The following PRRG4 variants were observed in gnomAD, a reference collection of about 807,000 sequenced individuals.
The protein encoded by PRRG4 is proline rich and Gla domain 4, also known as transmembrane gamma-carboxyglutamic acid protein 4.
Under a neutral mutation model 20.0 loss-of-function variants are expected in PRRG4, and 12 were observed. The observed-to-expected ratio is 0.60, with a 90% CI of 0.38 to 0.97. PRRG4 has a LOEUF of 0.97. PRRG4 is among the 50% of genes least tolerant of loss of function. PRRG4 has a pLI of 0.00. For synonymous variants in PRRG4, 94 were observed against 96.4 expected (o/e 0.98, Z 0.15); for missense variants, 199 against 265.1 (o/e 0.75, Z 1.73).
chr11:32,836,864 G>A (rs771644392), intron 3 of PRRG4, 43 bp downstream of exon 3: 1 of 1,539,732 alleles, frequency 6.5e-7, no homozygotes, highest in South Asian at 1.2e-5. Context: ...ATGTTAAATT[G>A]TACTTAAGAA....
chr11:32,836,758 G>C lies in PRRG4; in HGVS notation c.204G>C (p.Glu68Asp). 6.2e-7 allele frequency: 1 copy of C among 1,613,096 alleles called. No homozygotes were observed. The highest frequency in any genetic ancestry group is 8.5e-7 in the Non-Finnish European group (1 of 1,179,168). ...TCACTCCCGGCAACCTAGAAAGAGA[G>C]TGCAATGAAGAACTTTGCAATTATG... is the stretch of plus-strand genomic sequence containing the variant. ...ELFTPGNLERECNEELCNYEE... is the reference protein window; with the variant it reads ...ELFTPGNLERDCNEELCNYEE... The change falls in exon 3 of 6, where the codon GAG (glutamate) becomes GAC (aspartate). Residue 68 changes from glutamate to aspartate, a missense_variant. Glu to Asp is a conservative substitution (Grantham distance 45, BLOSUM62 2). Transcript: ENST00000257836.
intron 5 of PRRG4, among the ~76,000 whole-genome samples, chr11:32,845,243 T>C (rs746319304): frequency 1.3e-5 from 2 of 152,334 alleles, no homozygotes; most frequent in Non-Finnish European, 2.9e-5. Context: ...TAGTGTATTA[T>C]GGCACATAAA....
rs982826512 is a variant in PRRG4 at position 32,840,622 on chromosome 11, T to C, written c.449+383T>C. Reference sequence around the variant, plus strand: ...TTCCCAGTCTGTGGCAATTGTCTGGTCTCCTAATTTAACATTTACATAAAC... The same window carrying C: ...TTCCCAGTCTGTGGCAATTGTCTGGCCTCCTAATTTAACATTTACATAAAC... On this transcript the variant is annotated intron_variant, in intron 5 of 5. Coordinates refer to ENST00000257836, the MANE Select transcript of PRRG4 (RefSeq NM_024081.6). This position sits in a 1 kb window ranked among gnomAD's most constrained non-coding sequence, Gnocchi z 4.1. Among the ~76,000 whole-genome samples the C allele has an allele frequency of 4.6e-5, 7 of 152,204 alleles. No homozygotes were observed. The highest frequency in any genetic ancestry group is 7.3e-5 in the Non-Finnish European group (5 of 68,030).
rs185069796 is a variant in PRRG4 at position 32,841,254 on chromosome 11, G to C, written c.449+1015G>C. ...GCAGTGTTTTTGTATCCCTCCAAAAGAATAGAAAGTATTCTTTATCATATA... is the reference window on the plus strand; with the variant it reads ...GCAGTGTTTTTGTATCCCTCCAAAACAATAGAAAGTATTCTTTATCATATA... On this transcript the variant is annotated intron_variant, in intron 5 of 5. Transcript: ENST00000257836. Among the ~76,000 whole-genome samples the C allele has an allele frequency of 1.2e-4, 18 of 152,202 alleles. No homozygotes were observed. The East Asian group carries it at 3.3e-3, about 28-fold the overall frequency.
chr11:32,851,102 G>C (rs1286199184), intron 5 of PRRG4, among the ~76,000 whole-genome samples: 3 of 151,840 alleles, frequency 2.0e-5, no homozygotes, highest in African/African-American at 7.3e-5. Flanking sequence ...AATAAGCCAA[G>C]AAATGAAAAG....
intron 2 of PRRG4, among the ~76,000 whole-genome samples, chr11:32,831,397 G>A (rs553533890): frequency 3.4e-4 from 51 of 152,238 alleles, no homozygotes; most frequent in African/African-American, 1.1e-3. Flanking sequence ...CATCAGATCC[G>A]ATTCTCAGCT....
At chr11:32,844,593 T>A (rs1851110627) in intron 5 of PRRG4, among the ~76,000 whole-genome samples, 1 of 151,718 alleles carries the variant, frequency 6.6e-6, no homozygotes, top group Non-Finnish European at 1.5e-5. Context: ...CTCTGCCTCC[T>A]GGGTTCAAGC....
chr11:32,842,976 T>C (rs1851092280), intron 5 of PRRG4, among the ~76,000 whole-genome samples: 1 of 151,706 alleles, frequency 6.6e-6, no homozygotes, highest in Non-Finnish European at 1.5e-5. Context: ...CTCAGTCTCC[T>C]GAGTAGCTAG....
chr11:32,831,439 G>A (rs950283106), intron 2 of PRRG4, among the ~76,000 whole-genome samples: 15 of 152,084 alleles, frequency 9.9e-5, no homozygotes, highest in African/African-American at 3.6e-4. Flanking sequence ...TGTTACACTA[G>A]TACTCCTAAC....
At chr11:32,851,317 AATTT>A (rs1290874849) in intron 5 of PRRG4, among the ~76,000 whole-genome samples, 1 of 152,166 alleles carries the variant, frequency 6.6e-6, no homozygotes, top group African/African-American at 2.4e-5. Context: ...AACATGTAAA[AATTT>A]ATTTATTCAA....
rs544133342 is a variant in PRRG4 at position 32,832,301 on chromosome 11, C to T, written c.103+1669C>T. ...GGGTGTTTGTTAAACAGACGATCTC[C>T]ATCAACTGTATAACAGAAGCCAGAA... On this transcript the variant is annotated intron_variant, in intron 2 of 5. Transcript: ENST00000257836. Among the ~76,000 whole-genome samples the T allele has an allele frequency of 2.0e-5, 3 of 152,228 alleles. No homozygotes were observed. In the South Asian group the frequency reaches 6.2e-4, roughly 32 times the overall value.
chr11:32,851,154 A>G (rs2133451309), intron 5 of PRRG4, among the ~76,000 whole-genome samples: 1 of 152,308 alleles, frequency 6.6e-6, no homozygotes, highest in East Asian at 1.9e-4. Context: ...GGAGGAAAAC[A>G]GGCATCATAG....
At position 32,840,234 on chromosome 11, in the gene PRRG4, T is replaced by C; in HGVS notation, c.444T>C (p.His148=). The change falls in exon 5 of 6, where the codon CAT becomes CAC. Residue 148 remains histidine, a synonymous_variant. Transcript: ENST00000257836. This position sits in a 1 kb window ranked among gnomAD's most constrained non-coding sequence, Gnocchi z 4.1. ...TCACTAAGTGTAATAGGCTACAACA[T>C]CCATGGTAAGTACTAAGTGAAATTA... ...LCITKCNRLQ[H]PCSSAVYERG... The C allele has an allele frequency of 6.3e-7, 1 of 1,592,116 alleles. No homozygotes were observed. The highest frequency in any genetic ancestry group is 8.6e-7 in the Non-Finnish European group (1 of 1,163,292).
intron 5 of PRRG4, among the ~76,000 whole-genome samples, chr11:32,846,240 C>T (rs1851129622): frequency 6.6e-6 from 1 of 152,144 alleles, no homozygotes; most frequent in African/African-American, 2.4e-5. Context: ...GAACTCCTGG[C>T]CTCAGGCAAT....
rs2133455355 is a variant in PRRG4 at position 32,856,344 on chromosome 11, CATT to C, written c.*2819_*2821del. On this transcript the variant is annotated 3_prime_UTR_variant, in exon 6 of 6. Coordinates refer to ENST00000257836, the MANE Select transcript of PRRG4 (RefSeq NM_024081.6). ...TAACTTGAATGAGTCTAGAATTCAT[CATT>C]AAGATTGTGATATTTATAGAGCATC... is the stretch of plus-strand genomic sequence containing the variant. 1 of 152,196 alleles carries C rather than the reference CATT, an allele frequency of 6.6e-6. No homozygotes were observed. The highest frequency in any genetic ancestry group is 2.1e-4 in the South Asian group (1 of 4,818). 9.4% of individuals were successfully genotyped at this position (152,196 alleles called of 1,614,324 possible).
At chr11:32,848,895 T>C (rs914247392) in intron 5 of PRRG4, among the ~76,000 whole-genome samples, 3 of 149,242 alleles carry the variant, frequency 2.0e-5, no homozygotes, top group African/African-American at 7.4e-5. Flanking sequence ...TCACTCAAAC[T>C]AGGGAGGTGG....
intron 3 of PRRG4, among the ~76,000 whole-genome samples, chr11:32,837,523 GATGATGATGATGATGATGATTATTATT>G (rs1321952120): frequency 9.3e-6 from 1 of 107,320 alleles, no homozygotes; most frequent in Non-Finnish European, 1.9e-5. Flanking sequence ...TGATGATGAT[GATGATGATGATGATGATGATTATTATT>G]ATTATTATTA....
intron 2 of PRRG4, among the ~76,000 whole-genome samples, chr11:32,831,529 T>C (rs1169867499): frequency 6.6e-6 from 1 of 152,216 alleles, no homozygotes; most frequent in South Asian, 2.1e-4. Context: ...CGTGAAACTC[T>C]GATGACAGAA....
At chr11:32,847,740 G>T (rs1411731172) in intron 5 of PRRG4, among the ~76,000 whole-genome samples, 1 of 152,174 alleles carries the variant, frequency 6.6e-6, no homozygotes, top group Non-Finnish European at 1.5e-5. Context: ...AGGGTTGATG[G>T]AAATAGCCCA....
Sources: gnomAD v4.1 joint callset for allele counts (sites outside exome capture counted in the v4.1 genomes callset) on GRCh38, gnomAD v4.1.1 for gene constraint, Gnocchi (gnomAD v3.1) non-coding constraint, MANE v1.5 for transcripts, NCBI Gene and HGNC (gene_info 2026-07-23, HGNC 2026-07-21) for gene names.